Variants in PDE4D observed in about 807,000 individuals in gnomAD.
The protein encoded by PDE4D is 3',5'-cyclic-AMP phosphodiesterase 4D.
In PDE4D, 24 loss-of-function variants were observed where a neutral mutation model predicts 87.4. The ratio of observed to expected loss-of-function variants is 0.27; its 90% CI spans 0.20 to 0.39. PDE4D has a LOEUF of 0.39. Among genes scored for constraint, PDE4D ranks in the 10% least tolerant of loss-of-function variants. PDE4D has a pLI of 1.00. For synonymous variants in PDE4D, 384 were observed against 383.2 expected (o/e 1.00, Z -0.02); for missense variants, 714 against 1,041.0 (o/e 0.69, Z 4.32).
chr5:59,890,288 CA>C (rs1750772681), intron 1 of PDE4D, among the ~76,000 whole-genome samples: 1 of 147,492 alleles, frequency 6.8e-6, no homozygotes, highest in African/African-American at 2.6e-5. Flanking sequence ...CACACACACA[CA>C]CACACACCTT....
At chr5:59,316,138 T>A (rs936567613) in intron 1 of PDE4D, among the ~76,000 whole-genome samples, 1 of 152,184 alleles carries the variant, frequency 6.6e-6, no homozygotes, top group African/African-American at 2.4e-5. Context: ...ACATTTAGAC[T>A]CTTTATTTCA....
chr5:60,358,451 G>T (rs1006263932), intron 1 of PDE4D, among the ~76,000 whole-genome samples: 1 of 151,850 alleles, frequency 6.6e-6, no homozygotes, highest in Admixed American at 6.6e-5. Context: ...ATCTTGTTTT[G>T]GCTGACTGTA....
At chr5:60,380,040 C>T (rs1761737049) in intron 1 of PDE4D, among the ~76,000 whole-genome samples, 1 of 152,186 alleles carries the variant, frequency 6.6e-6, no homozygotes, top group Non-Finnish European at 1.5e-5. Context: ...ATAAAAGGTG[C>T]TAAGATAAAA....
intron 1 of PDE4D, among the ~76,000 whole-genome samples, chr5:59,790,505 T>A (rs1297239921): frequency 6.6e-6 from 1 of 152,168 alleles, no homozygotes; most frequent in Non-Finnish European, 1.5e-5. Flanking sequence ...TGTATGGAAA[T>A]TTCAAAGGGT....
intron 1 of PDE4D, among the ~76,000 whole-genome samples, chr5:60,438,933 A>T (rs1031803262): frequency 1.3e-5 from 2 of 152,138 alleles, no homozygotes; most frequent in African/African-American, 4.8e-5. Flanking sequence ...CTTTTATCTA[A>T]TAATTCTACC....
Position 60,124,600 on chromosome 5 carries a change from T to A in PDE4D, c.42+60957A>T, listed in dbSNP as rs75331289. 2.4e-3 allele frequency among the ~76,000 whole-genome samples: 370 copies of A among 152,316 alleles called. 2 individuals carry two copies. Among genetic ancestry groups the A allele is most frequent in the Non-Finnish European group, 3.8e-3 (258 of 68,020 alleles). ...TCCAGTTATTACTGTCTCTGTTGCA[T>A]CACTAATTTCCTCCTCTTCTCTGGA... On this transcript the variant is annotated intron_variant, in intron 2 of 16. Transcript: ENST00000502484.
At chr5:59,004,977 T>G (rs1296195304) in intron 6 of PDE4D, among the ~76,000 whole-genome samples, 1 of 152,240 alleles carries the variant, frequency 6.6e-6, no homozygotes, top group Non-Finnish European at 1.5e-5. Context: ...AGTATCTTAT[T>G]ATGTCCCTGT....
intron 1 of PDE4D, among the ~76,000 whole-genome samples, chr5:59,218,217 T>C (rs547163754): frequency 6.6e-6 from 1 of 152,300 alleles, no homozygotes; most frequent in East Asian, 1.9e-4. Flanking sequence ...AATATCAAGA[T>C]ATTCTTATTG....
intron 1 of PDE4D, among the ~76,000 whole-genome samples, chr5:59,546,745 A>G (rs958779021): frequency 9.2e-5 from 14 of 152,126 alleles, no homozygotes; most frequent in African/African-American, 3.1e-4. Context: ...TAAAAACACC[A>G]ATTTAGAAAT....
intron 1 of PDE4D, among the ~76,000 whole-genome samples, chr5:59,849,937 T>C (rs1223349371): frequency 6.6e-6 from 1 of 152,010 alleles, no homozygotes; most frequent in African/African-American, 2.4e-5. Flanking sequence ...TATGGGCAGT[T>C]GATATATTTA....
chr5:59,578,231 G>T (rs186008456), intron 1 of PDE4D, among the ~76,000 whole-genome samples: 12 of 152,186 alleles, frequency 7.9e-5, no homozygotes, highest in African/African-American at 2.6e-4. Flanking sequence ...TTTCAAGGCA[G>T]CACAGGAAAT....
At chr5:59,546,755 T>C (rs2153686078) in intron 1 of PDE4D, among the ~76,000 whole-genome samples, 1 of 152,234 alleles carries the variant, frequency 6.6e-6, no homozygotes, top group Non-Finnish European at 1.5e-5. Flanking sequence ...AATTTAGAAA[T>C]GCTTACCCAC....
intron 2 of PDE4D, among the ~76,000 whole-genome samples, chr5:60,153,792 T>C (rs1781727241): frequency 1.3e-5 from 2 of 152,148 alleles, no homozygotes; most frequent in African/African-American, 4.8e-5. Context: ...ATGATTCCAC[T>C]TGATAAGAAA....
intron 5 of PDE4D, among the ~76,000 whole-genome samples, chr5:59,112,139 G>A (rs1426526518): frequency 1.3e-5 from 2 of 152,108 alleles, no homozygotes; most frequent in African/African-American, 4.8e-5. Flanking sequence ...AAGACTTAAA[G>A]CAATGGAATT....
At chr5:59,364,131 G>C (rs1342906916) in intron 1 of PDE4D, among the ~76,000 whole-genome samples, 1 of 152,130 alleles carries the variant, frequency 6.6e-6, no homozygotes, top group Non-Finnish European at 1.5e-5. Flanking sequence ...ATAAAACTTA[G>C]GGTGCCATTT....
intron 2 of PDE4D, among the ~76,000 whole-genome samples, chr5:60,124,942 C>G (rs764587641): frequency 1.1e-4 from 16 of 152,154 alleles, no homozygotes; most frequent in African/African-American, 3.9e-4. Flanking sequence ...TTGTAAAACA[C>G]TATCTTCATT....
upstream of PDE4D, among the ~76,000 whole-genome samples, chr5:59,895,565 G>T (rs1191345088): frequency 6.6e-6 from 1 of 152,174 alleles, no homozygotes; most frequent in East Asian, 1.9e-4. Flanking sequence ...TGCCTAGGAG[G>T]GCACTAAGCC....
intron 1 of PDE4D, among the ~76,000 whole-genome samples, chr5:59,612,755 T>C (rs2150074853): frequency 6.6e-6 from 1 of 151,086 alleles, no homozygotes; most frequent in East Asian, 2.0e-4. Flanking sequence ...TGGAAAGAGG[T>C]GAGGAAAGAA....
chr5:60,255,530 T>C (rs1347987338), intron 1 of PDE4D, among the ~76,000 whole-genome samples: 1 of 151,864 alleles, frequency 6.6e-6, no homozygotes, highest in African/African-American at 2.4e-5. Context: ...TAACTGCAGC[T>C]TACTAGCTAT....
Sources: gnomAD v4.1 joint callset for allele counts (sites outside exome capture counted in the v4.1 genomes callset) on GRCh38, gnomAD v4.1.1 for gene constraint, MANE v1.5 for transcripts, NCBI Gene and HGNC (gene_info 2026-07-23, HGNC 2026-07-21) for gene names.